USP47: variants seen among roughly 807,000 people sequenced by gnomAD.
USP47 encodes the protein ubiquitin specific peptidase 47.
Under a neutral mutation model 165.1 loss-of-function variants are expected in USP47, and 35 were observed. The observed-to-expected ratio is 0.21, with a 90% CI of 0.16 to 0.28. USP47 has a LOEUF of 0.28. Ranked by LOEUF, USP47 falls within the 10% of genes least tolerant of loss-of-function variation. The pLI is 1.00. For synonymous variants in USP47, 531 were observed against 544.5 expected, an observed-to-expected ratio of 0.98 and a Z score of 0.35; for missense variants, 1,277 against 1,607.4, an observed-to-expected ratio of 0.79 and a Z score of 3.52.
In USP47 at chr11:11,902,739, A is replaced by G. The variant is rs759442007; in HGVS notation, c.618A>G (p.Glu206=). ...LYKWEFEESE[E]DPVTSIPYQL... ...GGTGGGAATTTGAAGAATCTGAAGA[A>G]GATCCAGTGACAAGTATTCCATACC... Residue 206 remains glutamate (E), a synonymous_variant, in exon 6 of 28, where the codon GAA becomes GAG. Coordinates refer to ENST00000527733, the MANE Select transcript of USP47 (RefSeq NM_001282659.2). 24 of 1,572,732 alleles carry G rather than the reference A, an allele frequency of 1.5e-5. No homozygotes were observed. Among genetic ancestry groups the G allele is most frequent in the Non-Finnish European group, 1.6e-5 (18 of 1,160,170 alleles).
At chr11:11,907,708 A>C (rs767330029) in intron 8 of USP47, among the ~76,000 whole-genome samples, 13 of 152,216 alleles carry the variant, frequency 8.5e-5, no homozygotes, top group Non-Finnish European at 1.5e-4. Context: ...CATTGAGATT[A>C]TATAAAATTG....
At chr11:11,939,496 T>C (rs1239717956) in intron 18 of USP47, among the ~76,000 whole-genome samples, 1 of 152,072 alleles carries the variant, frequency 6.6e-6, no homozygotes, top group Non-Finnish European at 1.5e-5. Flanking sequence ...TTGACTTCTG[T>C]ATATGACTTC....
chr11:11,843,287 C>A (rs749715855), intron 1 of USP47, among the ~76,000 whole-genome samples: 12 of 152,128 alleles, frequency 7.9e-5, no homozygotes, highest in Non-Finnish European at 1.2e-4. Flanking sequence ...GAGTTATGTA[C>A]CTGTATGATA....
At chr11:11,946,494 AATGTTAT>A (rs1855849196) in intron 20 of USP47, among the ~76,000 whole-genome samples, 1 of 152,232 alleles carries the variant, frequency 6.6e-6, no homozygotes, top group African/African-American at 2.4e-5. Context: ...TTGTCACAAC[AATGTTAT>A]ATGTTATGAT....
intron 21 of USP47, 163 bp downstream of exon 21, chr11:11,948,283 CATCTA>C: frequency 1.1e-6 from 1 of 902,896 alleles, no homozygotes; most frequent in Middle Eastern, 3.3e-4. Context: ...TTTCTTCACT[CATCTA>C]ACAAACATTT....
chr11:11,926,260 T>C (rs1284301018), intron 11 of USP47, among the ~76,000 whole-genome samples: 2 of 152,128 alleles, frequency 1.3e-5, no homozygotes, highest in African/African-American at 4.8e-5. Context: ...GGATTCGTGT[T>C]AATTCTTCAA....
intron 10 of USP47, among the ~76,000 whole-genome samples, chr11:11,921,764 T>C (rs1853854695): frequency 6.6e-6 from 1 of 151,880 alleles, no homozygotes; most frequent in Admixed American, 6.6e-5. Context: ...TAGTAGAAAC[T>C]TCCTAGAGAA....
chr11:11,916,636 A>G (rs1195728453), intron 8 of USP47, among the ~76,000 whole-genome samples: 1 of 152,078 alleles, frequency 6.6e-6, no homozygotes, highest in Non-Finnish European at 1.5e-5. Flanking sequence ...AGATTTTTGT[A>G]AAAGTAAAAA....
chr11:11,939,936 T>C (rs569657487), intron 18 of USP47, among the ~76,000 whole-genome samples: 3 of 152,152 alleles, frequency 2.0e-5, no homozygotes, highest in South Asian at 4.1e-4. Context: ...AAATTAAAGA[T>C]GTGGACTTTC....
At chr11:11,921,292 A>G (rs992765972) in intron 10 of USP47, among the ~76,000 whole-genome samples, 1 of 151,702 alleles carries the variant, frequency 6.6e-6, no homozygotes, top group Admixed American at 6.6e-5. Context: ...GTTATAAAAA[A>G]TGCCTTTTCC....
intron 1 of USP47, among the ~76,000 whole-genome samples, chr11:11,859,281 G>T (rs1254606541): frequency 6.6e-6 from 1 of 152,164 alleles, no homozygotes; most frequent in Non-Finnish European, 1.5e-5. Flanking sequence ...GGGAAAACTG[G>T]TAATAATGTT....
At chr11:11,897,530 C>A in intron 4 of USP47, 67 bp from the exon 5 acceptor site, 2 of 1,168,658 alleles carry the variant, frequency 1.7e-6, no homozygotes, top group Non-Finnish European at 2.4e-6. Flanking sequence ...GAATTAAATT[C>A]TTATTATGTT....
At chr11:11,918,941 T>C (rs1302787236) in intron 8 of USP47, among the ~76,000 whole-genome samples, 1 of 151,952 alleles carries the variant, frequency 6.6e-6, no homozygotes, top group Non-Finnish European at 1.5e-5. Flanking sequence ...ACTTTCCTTT[T>C]TCCCCCAAAA....
chr11:11,910,398 C>T (rs1184329611), intron 8 of USP47, among the ~76,000 whole-genome samples: 2 of 152,064 alleles, frequency 1.3e-5, no homozygotes, highest in Non-Finnish European at 2.9e-5. Flanking sequence ...AGGAAAAAGA[C>T]AGCCTAGCAA....
intron 1 of USP47, among the ~76,000 whole-genome samples, chr11:11,874,469 G>A (rs1002936411): frequency 6.6e-6 from 1 of 151,082 alleles, no homozygotes; most frequent in Non-Finnish European, 1.5e-5. Flanking sequence ...TAAAAATAAA[G>A]TCTCTTTTTT....
rs1199551623 is a variant in USP47 at position 11,920,507 on chromosome 11, T to C, written c.1218+13T>C. 2 of 1,587,430 alleles carry C rather than the reference T, an allele frequency of 1.3e-6. No individual in the cohort carries two copies. Among genetic ancestry groups the C allele is most frequent in the Admixed American group, 3.6e-5 (2 of 55,110 alleles). On this transcript the variant is annotated intron_variant, in intron 10 of 27. Transcript: ENST00000527733. ...TGTTGAAGATGAGGTAAATATTTGT[T>C]ATTTTAAAGTATTTTTCATTAATCC...
chr11:11,848,893 G>C (rs910054985), intron 1 of USP47, among the ~76,000 whole-genome samples: 5 of 152,144 alleles, frequency 3.3e-5, no homozygotes, highest in African/African-American at 1.2e-4. Context: ...ACAGGCGTGA[G>C]CCACCATGCC....
intron 8 of USP47, among the ~76,000 whole-genome samples, chr11:11,907,026 TGAG>T (rs2134479332): frequency 6.6e-6 from 1 of 152,318 alleles, no homozygotes; most frequent in African/African-American, 2.4e-5. Context: ...AATTGAATAT[TGAG>T]GAAGCTAAAT....
rs1234836992 is a variant in USP47, at chr11:11,955,173, C to G, written c.3893+9C>G. The stretch of plus-strand genomic sequence containing the variant: ...GCGGTCATATTTTATAGGTAACATT[C>G]ACAATGTTTTTGTTGCTGTTAGTAA... On this transcript the variant is annotated intron_variant, in intron 27 of 27. Coordinates refer to ENST00000527733, the MANE Select transcript of USP47 (RefSeq NM_001282659.2). 2 of 1,607,440 alleles carry G rather than the reference C, an allele frequency of 1.2e-6. No homozygotes were observed. The highest frequency in any genetic ancestry group is 1.7e-6 in the Non-Finnish European group (2 of 1,177,822).
Sources: gnomAD v4.1 joint callset for allele counts (sites outside exome capture counted in the v4.1 genomes callset) on GRCh38, gnomAD v4.1.1 for gene constraint, MANE v1.5 for transcripts, NCBI Gene and HGNC (gene_info 2026-07-23, HGNC 2026-07-21) for gene names.